The following RGS6 variants were observed in gnomAD, a reference collection of about 807,000 sequenced individuals.
RGS6 encodes the protein regulator of G protein signaling 6.
In RGS6, 30 loss-of-function variants were observed where a neutral mutation model predicts 78.5. The ratio of observed to expected loss-of-function variants is 0.38; its 90% CI spans 0.29 to 0.52. The LOEUF is 0.52. RGS6 is among the 20% of genes least tolerant of loss of function. The pLI is 0.85. For synonymous variants in RGS6, 206 were observed against 206.0 expected (o/e 1.00, Z 0.00); for missense variants, 495 against 609.7 (o/e 0.81, Z 1.98).
intron 2 of RGS6, among the ~76,000 whole-genome samples, chr14:72,187,040 C>A (rs2097257247): frequency 1.3e-5 from 2 of 152,106 alleles, no homozygotes; most frequent in South Asian, 4.1e-4. Flanking sequence ...GTAACTAGAG[C>A]AAATGCCTCA....
rs147355149 is a variant in RGS6 at position 71,963,481 on chromosome 14, C to T, written c.-20-1291C>T. On this transcript the variant is annotated intron_variant, in intron 1 of 17. Coordinates refer to ENST00000553525, the MANE Select transcript of RGS6 (RefSeq NM_001204424.2). ...CCTCTATCAAGGCCCCTGAAGGAGACCCTGTATCCATTAAGCAGTCACCCA... is the reference window on the plus strand; with the variant it reads ...CCTCTATCAAGGCCCCTGAAGGAGATCCTGTATCCATTAAGCAGTCACCCA... 6.5e-3 allele frequency among the ~76,000 whole-genome samples: 985 copies of T among 152,292 alleles called. 7 individuals carry two copies. The highest frequency in any genetic ancestry group is 0.011 in the Non-Finnish European group (733 of 68,036).
the RGS6 span, among the ~76,000 whole-genome samples, chr14:72,597,703 T>C: frequency 3.3e-5 from 5 of 152,202 alleles, no homozygotes; most frequent in Non-Finnish European, 5.9e-5. Flanking sequence ...ATCTCAAACA[T>C]TCATCATTTC....
In RGS6 at chr14:72,495,364, G is replaced by A. The variant is rs563353759; in HGVS notation, c.965+102G>A. The A allele has an allele frequency of 1.2e-3, 971 of 811,384 alleles. 2 individuals are homozygous for A. Among genetic ancestry groups the A allele is most frequent in the Admixed American group, 1.7e-3 (93 of 54,434 alleles). The allele number at this position is 811,384 out of a possible 1,614,324, so 50.3% of individuals were successfully genotyped here. The stretch of plus-strand genomic sequence containing the variant: ...CTATCTTAATTTGACATTTTTTATC[G>A]CTAGAACAGAAACCCCTCAAGTAGC... On this transcript the variant is annotated intron_variant, in intron 13 of 17. Transcript: ENST00000553525.
chr14:72,359,083 G>C (rs2080949862), intron 3 of RGS6, among the ~76,000 whole-genome samples: 3 of 152,162 alleles, frequency 2.0e-5, no homozygotes, highest in South Asian at 4.1e-4. Context: ...TGTGAAGAAG[G>C]ATGTGTTTGC....
intron 2 of RGS6, among the ~76,000 whole-genome samples, chr14:72,305,071 G>A (rs1298767179): frequency 6.6e-6 from 1 of 152,118 alleles, no homozygotes; most frequent in Non-Finnish European, 1.5e-5. Flanking sequence ...TTAGTTTACA[G>A]TTTTACAAGA....
At chr14:72,484,780 T>C (rs2153382201) in intron 12 of RGS6, among the ~76,000 whole-genome samples, 1 of 152,302 alleles carries the variant, frequency 6.6e-6, no homozygotes, top group East Asian at 1.9e-4. Context: ...GATTGGTTAC[T>C]ATTGTTAGAA....
chr14:72,544,880 G>A (rs1177355678), intron 17 of RGS6, among the ~76,000 whole-genome samples: 1 of 152,222 alleles, frequency 6.6e-6, no homozygotes, highest in Admixed American at 6.5e-5. Flanking sequence ...CCAGGCCCAG[G>A]TGCTGACCGG....
At chr14:72,628,611 A>G in the RGS6 span, among the ~76,000 whole-genome samples, 1 of 152,228 alleles carries the variant, frequency 6.6e-6, no homozygotes, top group East Asian at 1.9e-4. Flanking sequence ...AGTGTACACC[A>G]CCATCTATGA....
At chr14:71,908,481 G>A in the RGS6 span, 1 of 152,216 alleles carries the variant, frequency 6.6e-6, no homozygotes, top group Non-Finnish European at 1.5e-5. Context: ...CTGCTCTCAA[G>A]TGGTTCTTTG....
chr14:72,143,010 C>T (rs1424087741), intron 2 of RGS6, among the ~76,000 whole-genome samples: 1 of 152,076 alleles, frequency 6.6e-6, no homozygotes. Flanking sequence ...AAGTGGGTAG[C>T]AGGGAAATCA....
chr14:72,093,513 G>A (rs758401218), intron 2 of RGS6, among the ~76,000 whole-genome samples: 19 of 152,146 alleles, frequency 1.2e-4, no homozygotes, highest in South Asian at 6.2e-4. Context: ...TAAAGTGCTG[G>A]CACTACAGCA....
At chr14:72,328,286 A>C (rs1002791217) in intron 2 of RGS6, among the ~76,000 whole-genome samples, 11 of 152,220 alleles carry the variant, frequency 7.2e-5, no homozygotes, top group Admixed American at 7.2e-4. Context: ...TTTACCAGCT[A>C]TCTGGGCACC....
chr14:72,466,651 T>G (rs1046564807), intron 7 of RGS6, among the ~76,000 whole-genome samples: 1 of 152,250 alleles, frequency 6.6e-6, no homozygotes, highest in African/African-American at 2.4e-5. Context: ...CCATTCCATT[T>G]ATAGGACATT....
intron 2 of RGS6, among the ~76,000 whole-genome samples, chr14:72,165,167 G>A (rs188882184): frequency 3.3e-5 from 5 of 152,324 alleles, no homozygotes; most frequent in South Asian, 4.1e-4. Flanking sequence ...TGCTCACCAC[G>A]TCTAGAACAT....
intron 1 of RGS6, among the ~76,000 whole-genome samples, chr14:71,962,885 C>T (rs2093300602): frequency 6.6e-6 from 1 of 152,000 alleles, no homozygotes; most frequent in Admixed American, 6.6e-5. Context: ...AAAATGTTTC[C>T]TGAATTTGTA....
chr14:71,945,803 A>G (rs1359456124), intron 1 of RGS6, among the ~76,000 whole-genome samples: 1 of 152,196 alleles, frequency 6.6e-6, no homozygotes, highest in Non-Finnish European at 1.5e-5. Context: ...CCAAATTTTA[A>G]TTCATTTAAA....
the RGS6 span, among the ~76,000 whole-genome samples, chr14:71,907,617 G>T: frequency 2.6e-5 from 4 of 152,050 alleles, no homozygotes; most frequent in Non-Finnish European, 5.9e-5. Flanking sequence ...GATCAGTGGT[G>T]GTGGGGGGAT....
At chr14:71,984,298 T>TAAAAAA (rs59180817) in intron 2 of RGS6, among the ~76,000 whole-genome samples, 1 of 120,000 alleles carries the variant, frequency 8.3e-6, no homozygotes, top group Non-Finnish European at 1.7e-5. Context: ...TGAATTATGT[T>TAAAAAA]AAAAAAAAAA....
intron 2 of RGS6, among the ~76,000 whole-genome samples, chr14:72,205,315 C>G (rs2042472545): frequency 6.6e-6 from 1 of 152,180 alleles, no homozygotes; most frequent in Non-Finnish European, 1.5e-5. Context: ...TTTAATGTGT[C>G]CGCCCTCTTT....
Sources: gnomAD v4.1 joint callset for allele counts (sites outside exome capture counted in the v4.1 genomes callset) on GRCh38, gnomAD v4.1.1 for gene constraint, MANE v1.5 for transcripts, NCBI Gene and HGNC (gene_info 2026-07-23, HGNC 2026-07-21) for gene names.